CUX2: variants seen among roughly 807,000 people sequenced by gnomAD.
CUX2 encodes the protein homeobox protein cut-like 2.
In CUX2, 40 loss-of-function variants were observed where a neutral mutation model predicts 144.8. The observed-to-expected ratio is 0.28, with a 90% CI of 0.21 to 0.36. The LOEUF is 0.36. CUX2 is among the 10% of genes least tolerant of loss of function. CUX2 has a pLI of 1.00. For synonymous variants in CUX2, 827 were observed against 875.6 expected (o/e 0.94, Z 0.98); for missense variants, 1,615 against 1,994.0 (o/e 0.81, Z 3.62).
Position 111,307,132 on chromosome 12 carries a change from C to T in CUX2, c.1050+20C>T, listed in dbSNP as rs747881601. On this transcript the variant is annotated intron_variant, in intron 11 of 21. Coordinates refer to ENST00000261726, the MANE Select transcript of CUX2 (RefSeq NM_015267.4). This position sits in a 1 kb window ranked among gnomAD's most constrained non-coding sequence, Gnocchi z 4.1. ...ATAGAAGTGGGTCCTGGGGAGGAGG[C>T]AGGCGGGCAGGCGGCCCCATGCAGA... 18 of 1,613,066 alleles carry T rather than the reference C, an allele frequency of 1.1e-5. No individual in the cohort carries two copies. In the East Asian group the frequency reaches 3.6e-4, roughly 32 times the overall value.
intron 1 of CUX2, among the ~76,000 whole-genome samples, chr12:111,179,582 G>C (rs1879038938): frequency 6.7e-6 from 1 of 149,904 alleles, no homozygotes; most frequent in Admixed American, 6.6e-5. Flanking sequence ...GCTGATCTGA[G>C]CCATCGCCGT....
intron 4 of CUX2, among the ~76,000 whole-genome samples, chr12:111,267,214 A>AAG (rs990428170): frequency 4.7e-5 from 7 of 149,260 alleles, no homozygotes; most frequent in African/African-American, 1.0e-4. Context: ...AAAAAAAAAA[A>AAG]AAAGAAAGAA....
Position 111,208,930 on chromosome 12 carries a change from T to C in CUX2, c.64-5270T>C, listed in dbSNP as rs556201142. On this transcript the variant is annotated intron_variant, in intron 1 of 21. Transcript: ENST00000261726. Reference sequence around the variant, plus strand: ...CATCTGTTTATGGTACATGATTCTCTAGTGACAAGAAAGTGTCCTTTTTAA... The same window carrying C: ...CATCTGTTTATGGTACATGATTCTCCAGTGACAAGAAAGTGTCCTTTTTAA... 5.3e-5 allele frequency among the ~76,000 whole-genome samples: 8 copies of C among 152,338 alleles called. No homozygotes were observed. The South Asian group carries it at 1.7e-3, about 32-fold the overall frequency.
intron 3 of CUX2, among the ~76,000 whole-genome samples, chr12:111,236,373 T>C (rs1017857769): frequency 3.3e-5 from 5 of 152,182 alleles, no homozygotes; most frequent in African/African-American, 1.2e-4. Context: ...ACATACTGAC[T>C]TTAGAAATCA....
intron 3 of CUX2, among the ~76,000 whole-genome samples, chr12:111,238,035 C>T (rs1464274489): frequency 6.6e-6 from 1 of 152,204 alleles, no homozygotes; most frequent in Non-Finnish European, 1.5e-5. Context: ...CTAGATGTCC[C>T]CTCGGGGACC....
At chr12:111,230,072 G>T (rs577752212) in intron 3 of CUX2, among the ~76,000 whole-genome samples, 2 of 151,550 alleles carry the variant, frequency 1.3e-5, no homozygotes, top group South Asian at 4.2e-4. Flanking sequence ...AGGATTGCTT[G>T]AGACCAGCAG....
chr12:111,048,339 G>A (rs150800359), intron 1 of CUX2, among the ~76,000 whole-genome samples: 16 of 152,326 alleles, frequency 1.1e-4, no homozygotes, highest in African/African-American at 3.1e-4. Context: ...GGAGTTCTTC[G>A]TGGCAGGAAG....
At chr12:111,250,097 G>A (rs1264583631) in intron 3 of CUX2, among the ~76,000 whole-genome samples, 5 of 152,030 alleles carry the variant, frequency 3.3e-5, no homozygotes. Flanking sequence ...CAAAAAAAAA[G>A]GCCAAAGTGG....
chr12:111,322,496 G>A lies in CUX2; in HGVS notation c.2842G>A (p.Gly948Arg), dbSNP rs1479561993. ...GCCATGGAGCAAGCTGACGCAGAAG[G>A]GGCGGGAGCCCTTCATCCGCATGCA... ...PKPWSKLTQK[G>R]REPFIRMQLW... The change falls in exon 18 of 22, where the codon GGG becomes AGG. Residue 948 changes from glycine to arginine, a missense_variant. Around this residue, in one of 12 missense-constraint regions of CUX2, gnomAD observed 17 missense variants for 68.7 expected, o/e 0.25. Coordinates refer to ENST00000261726, the MANE Select transcript of CUX2 (RefSeq NM_015267.4). This position sits in a 1 kb window ranked among gnomAD's most constrained non-coding sequence, Gnocchi z 4.2. The A allele has an allele frequency of 6.2e-7, 1 of 1,603,132 alleles. No homozygotes were observed. Among genetic ancestry groups the A allele is most frequent in the African/African-American group, 1.3e-5 (1 of 74,854 alleles).
In CUX2 at chr12:111,348,294, A is replaced by G. The variant is rs754342734; in HGVS notation, c.4430A>G (p.Asn1477Ser). Residue 1477 changes from asparagine to serine, a missense_variant, in exon 22 of 22, where the codon AAT (asparagine) becomes AGT (serine). Asn to Ser is a conservative substitution (Grantham distance 46). This residue lies in a region of CUX2 where 298 missense variants were observed against 330.4 expected (regional missense o/e 0.90). Transcript: ENST00000261726. ...ATTTACCGAGTAGAGCGGGCTGCCA[A>G]TCGGGAGGAGGCCCTGGAGTGGGAG... is the stretch of plus-strand genomic sequence containing the variant. ...NIIYRVERAANREEALEWEF is the reference protein window; with the variant it reads ...NIIYRVERAASREEALEWEF The G allele has an allele frequency of 1.2e-6, 2 of 1,612,942 alleles. No individual in the cohort carries two copies. The highest frequency in any genetic ancestry group is 1.7e-6 in the Non-Finnish European group (2 of 1,179,658).
At chr12:111,137,917 C>G in intron 1 of CUX2, among the ~76,000 whole-genome samples, 1 of 152,354 alleles carries the variant, frequency 6.6e-6, no homozygotes, top group Non-Finnish European at 1.5e-5. Flanking sequence ...GGAACAAGCT[C>G]TGGTCATGAC....
chr12:111,174,318 G>A (rs988680335), intron 1 of CUX2, among the ~76,000 whole-genome samples: 8 of 152,188 alleles, frequency 5.3e-5, no homozygotes, highest in South Asian at 2.1e-4. Flanking sequence ...GGAGAGGCAC[G>A]GGACGTGTCT....
chr12:111,225,795 C>T (rs902226792), intron 3 of CUX2, among the ~76,000 whole-genome samples: 1 of 152,208 alleles, frequency 6.6e-6, no homozygotes, highest in Non-Finnish European at 1.5e-5. Flanking sequence ...GCCAGGAAAG[C>T]CCGCCGCATA....
At chr12:111,231,858 A>C (rs1882478094) in intron 3 of CUX2, among the ~76,000 whole-genome samples, 1 of 152,180 alleles carries the variant, frequency 6.6e-6, no homozygotes, top group African/African-American at 2.4e-5. Context: ...CTGTAATCCC[A>C]GCACTTTGGG....
intron 3 of CUX2, among the ~76,000 whole-genome samples, chr12:111,248,450 G>A (rs978329162): frequency 4.6e-5 from 7 of 152,132 alleles, no homozygotes; most frequent in African/African-American, 1.4e-4. Context: ...ATGGAGGTTC[G>A]GCTGGCAGTT....
chr12:111,200,260 T>C (rs1880498856), intron 1 of CUX2, among the ~76,000 whole-genome samples: 1 of 152,014 alleles, frequency 6.6e-6, no homozygotes, highest in African/African-American at 2.4e-5. Context: ...GGGGAGGCAG[T>C]TGGGGGTCTC....
Position 111,050,936 on chromosome 12 carries a change from T to G in CUX2, c.63+16696T>G, listed in dbSNP as rs562658309. 9.8e-5 allele frequency among the ~76,000 whole-genome samples: 15 copies of G among 152,340 alleles called. No homozygotes were observed. In the South Asian group the frequency reaches 3.1e-3, roughly 32 times the overall value. On this transcript the variant is annotated intron_variant, in intron 1 of 21. Coordinates refer to ENST00000261726, the MANE Select transcript of CUX2 (RefSeq NM_015267.4). ...AGAAGGAATACATTCTAATGTTTGA[T>G]AGCAGAGCAGGGTGACTATAGTTAA...
intron 16 of CUX2, among the ~76,000 whole-genome samples, chr12:111,317,143 G>C (rs941346895): frequency 8.5e-5 from 13 of 152,060 alleles, no homozygotes; most frequent in African/African-American, 3.1e-4. Flanking sequence ...ATTTTTAATG[G>C]GTCTAAGAGG....
chr12:111,175,994 G>T (rs142870820), intron 1 of CUX2, among the ~76,000 whole-genome samples: 1 of 151,458 alleles, frequency 6.6e-6, no homozygotes, highest in African/African-American at 2.4e-5. Context: ...CCCTAGATTG[G>T]GGGGAGAACT....
Sources: gnomAD v4.1 joint callset for allele counts (sites outside exome capture counted in the v4.1 genomes callset) on GRCh38, gnomAD v4.1.1 for gene constraint, gnomAD v4.1.1 regional missense constraint, Gnocchi (gnomAD v3.1) non-coding constraint, MANE v1.5 for transcripts, NCBI Gene and HGNC (gene_info 2026-07-23, HGNC 2026-07-21) for gene names.